FHIT: variants seen among roughly 807,000 people sequenced by gnomAD.
The protein encoded by FHIT is bis(5'-adenosyl)-triphosphatase.
Under a neutral mutation model 17.9 loss-of-function variants are expected in FHIT, and 19 were observed. The ratio of observed to expected loss-of-function variants is 1.06; its 90% confidence interval spans 0.74 to 1.56. The LOEUF is 1.56. Ranked by LOEUF, FHIT falls within the 40% of genes most tolerant of loss-of-function variation. The pLI is 0.00. For synonymous variants in FHIT, 81 were observed against 69.7 expected, an observed-to-expected ratio of 1.16 and a Z score of -0.81; for missense variants, 248 against 189.2, an observed-to-expected ratio of 1.31 and a Z score of -1.82.
chr3:60,730,636 T>G (rs2042008071), intron 4 of FHIT: 1 of 153,044 alleles, frequency 6.5e-6, no homozygotes, highest in East Asian at 1.9e-4. Context: ...TCAGCGAGCG[T>G]CACCACAGTG....
At position 60,785,424 on chromosome 3, in the gene FHIT, A is replaced by G. The variant is rs958195756; in HGVS notation, c.-18+36495T>C. On this transcript the variant is annotated intron_variant, in intron 4 of 9. Coordinates refer to ENST00000492590, the MANE Select transcript of FHIT (RefSeq NM_002012.4). ...TTACCATGCCACAGGCAAAGAGTATATTAAACTCCCACGAAGAGAAGTGCC... is the reference window on the plus strand; with the variant it reads ...TTACCATGCCACAGGCAAAGAGTATGTTAAACTCCCACGAAGAGAAGTGCC... 3.9e-5 allele frequency among the ~76,000 whole-genome samples: 6 copies of G among 152,192 alleles called. No individual in the cohort carries two copies. In the South Asian group the frequency reaches 1.2e-3, roughly 32 times the overall value.
intron 4 of FHIT, among the ~76,000 whole-genome samples, chr3:60,667,936 C>A (rs1241445557): frequency 6.6e-6 from 1 of 152,030 alleles, no homozygotes; most frequent in African/African-American, 2.4e-5. Context: ...TTTCCCCACA[C>A]TGGGCCTCAG....
At chr3:61,054,341 G>A (rs1435728255) in intron 2 of FHIT, among the ~76,000 whole-genome samples, 1 of 145,674 alleles carries the variant, frequency 6.9e-6, no homozygotes, top group East Asian at 2.1e-4. Context: ...AATTTGTAAT[G>A]TTTTTGTAAC....
At chr3:60,966,849 A>G (rs951646162) in intron 3 of FHIT, among the ~76,000 whole-genome samples, 4 of 152,190 alleles carry the variant, frequency 2.6e-5, no homozygotes, top group African/African-American at 9.6e-5. Flanking sequence ...ACTGTGGTAC[A>G]TTTTACACAT....
chr3:60,462,056 GA>G (rs2032508087), intron 5 of FHIT, among the ~76,000 whole-genome samples: 1 of 152,136 alleles, frequency 6.6e-6, no homozygotes, highest in East Asian at 1.9e-4. Context: ...AACTAACACT[GA>G]ATGGGTGCCC....
intron 5 of FHIT, among the ~76,000 whole-genome samples, chr3:60,388,765 CA>C (rs1701111382): frequency 6.6e-6 from 1 of 152,196 alleles, no homozygotes; most frequent in Non-Finnish European, 1.5e-5. Context: ...CTGCACATGC[CA>C]GCTCTTGTGT....
chr3:60,132,324 G>A (rs561781915), intron 5 of FHIT, among the ~76,000 whole-genome samples: 45 of 152,316 alleles, frequency 3.0e-4, no homozygotes, highest in Middle Eastern at 3.4e-3. Flanking sequence ...TACATCCCAT[G>A]CATTTAACTC....
chr3:60,752,481 C>A (rs1553717094), intron 4 of FHIT, among the ~76,000 whole-genome samples: 1 of 152,162 alleles, frequency 6.6e-6, no homozygotes. Context: ...TAGGTGCTGG[C>A]CAGTCCCTCT....
intron 5 of FHIT, among the ~76,000 whole-genome samples, chr3:60,416,085 A>G (rs561437270): frequency 4.0e-5 from 6 of 151,822 alleles, no homozygotes; most frequent in African/African-American, 1.4e-4. Flanking sequence ...TTAATAAAAT[A>G]GTGGAAAAAA....
intron 5 of FHIT, among the ~76,000 whole-genome samples, chr3:60,060,696 C>T (rs1271070447): frequency 6.6e-6 from 1 of 152,084 alleles, no homozygotes; most frequent in Non-Finnish European, 1.5e-5. Context: ...TAGGCATTTC[C>T]AGATTTTAAA....
At chr3:60,863,323 C>T (rs544327017) in intron 3 of FHIT, among the ~76,000 whole-genome samples, 4 of 152,240 alleles carry the variant, frequency 2.6e-5, no homozygotes, top group East Asian at 1.9e-4. Flanking sequence ...CTGCAGTCTC[C>T]AGTAAGAAAC....
chr3:60,643,505 C>T (rs1472759460), intron 4 of FHIT, among the ~76,000 whole-genome samples: 7 of 152,136 alleles, frequency 4.6e-5, no homozygotes, highest in African/African-American at 9.7e-5. Flanking sequence ...GACTATACTA[C>T]GAGGCAGAGT....
chr3:61,165,559 G>C (rs1332205524), intron 2 of FHIT: 1 of 152,322 alleles, frequency 6.6e-6, no homozygotes, highest in Non-Finnish European at 1.5e-5. Flanking sequence ...GACAGGCTGG[G>C]CACAGTGGCT....
At chr3:60,392,165 T>C (rs1701258800) in intron 5 of FHIT, among the ~76,000 whole-genome samples, 1 of 152,206 alleles carries the variant, frequency 6.6e-6, no homozygotes, top group Non-Finnish European at 1.5e-5. Flanking sequence ...GAGTAGGATC[T>C]AGTTTGAGGC....
intron 5 of FHIT, among the ~76,000 whole-genome samples, chr3:60,357,313 A>C (rs558773875): frequency 6.6e-6 from 1 of 152,216 alleles, no homozygotes; most frequent in African/African-American, 2.4e-5. Context: ...GTTCAAGCTC[A>C]AGCGATTCTC....
intron 2 of FHIT, among the ~76,000 whole-genome samples, chr3:61,177,618 T>G (rs937954569): frequency 6.6e-6 from 1 of 152,220 alleles, no homozygotes; most frequent in African/African-American, 2.4e-5. Flanking sequence ...ATGGGACATC[T>G]GGGTTCTGAG....
At chr3:59,957,133 T>C (rs983068957) in intron 7 of FHIT, among the ~76,000 whole-genome samples, 20 of 152,276 alleles carry the variant, frequency 1.3e-4, no homozygotes, top group African/African-American at 4.8e-4. Flanking sequence ...GAAGCCCTCA[T>C]CCCCAGTACC....
intron 3 of FHIT, among the ~76,000 whole-genome samples, chr3:60,891,746 C>T (rs1705525323): frequency 6.6e-6 from 1 of 152,122 alleles, no homozygotes; most frequent in South Asian, 2.1e-4. Context: ...CATTTATTTT[C>T]TGGGACAGTG....
chr3:60,133,459 G>C (rs1699682912), intron 5 of FHIT, among the ~76,000 whole-genome samples: 2 of 152,178 alleles, frequency 1.3e-5, no homozygotes, highest in South Asian at 4.1e-4. Context: ...TTCTACTCTA[G>C]AGGGAGAGAT....
Sources: gnomAD v4.1 joint callset for allele counts (sites outside exome capture counted in the v4.1 genomes callset) on GRCh38, gnomAD v4.1.1 for gene constraint, MANE v1.5 for transcripts, NCBI Gene and HGNC (gene_info 2026-07-23, HGNC 2026-07-21) for gene names.